Variants in CELF2 observed in about 807,000 individuals in gnomAD.
CELF2 encodes the protein CUG triplet repeat RNA-binding protein 2.
CELF2 carries 8 observed loss-of-function variants against 62.6 expected under a neutral mutation model. The ratio of observed to expected loss-of-function variants is 0.13; its 90% CI spans 0.07 to 0.23. The LOEUF (loss-of-function observed/expected upper bound fraction) is 0.23. CELF2 is among the 10% of genes least tolerant of loss of function. CELF2 has a pLI of 1.00. For synonymous variants in CELF2, 258 were observed against 250.0 expected (o/e 1.03, Z -0.30); for missense variants, 333 against 671.0 (o/e 0.50, Z 5.56).
At chr10:11,043,561 G>C (rs779715394) in intron 1 of CELF2, among the ~76,000 whole-genome samples, 1 of 151,982 alleles carries the variant, frequency 6.6e-6, no homozygotes, top group Non-Finnish European at 1.5e-5. Context: ...GCAGACTTCC[G>C]TGTCCTGAAT....
chr10:10,884,685 G>A (rs895078031), intron 1 of CELF2, among the ~76,000 whole-genome samples: 1 of 152,118 alleles, frequency 6.6e-6, no homozygotes, highest in East Asian at 1.9e-4. Context: ...TCTAGAATAT[G>A]TCTTATACTT....
At chr10:10,914,550 A>AT (rs1377894979) in intron 1 of CELF2, among the ~76,000 whole-genome samples, 2 of 152,042 alleles carry the variant, frequency 1.3e-5, no homozygotes, top group South Asian at 2.1e-4. Context: ...CTTTTTCGGG[A>AT]TTTTTTTCCT....
rs1234653978 is a variant in CELF2, at chr10:11,237,694, T to G, written c.355-11459T>G. On this transcript the variant is annotated intron_variant, in intron 3 of 12. Coordinates refer to ENST00000633077, the MANE Select transcript of CELF2 (RefSeq NM_001326342.2). The surrounding 1 kb of genome is among the most constrained non-coding windows in gnomAD (Gnocchi z 4.0). ...GCTTTGTTCATCCCAGTTCCCAAGA[T>G]GTCGAGAACTGAGTCACAGTGAGCC... Among the ~76,000 whole-genome samples the G allele has an allele frequency of 6.6e-6, 1 of 152,160 alleles. No individual in the cohort carries two copies. Among genetic ancestry groups the G allele is most frequent in the African/African-American group, 2.4e-5 (1 of 41,406 alleles).
At chr10:10,935,075 C>A (rs993280829) in intron 2 of CELF2, 1 of 152,168 alleles carries the variant, frequency 6.6e-6, no homozygotes, top group Non-Finnish European at 1.5e-5. Context: ...TTTTTCCTGA[C>A]ATTCACTGTG....
At chr10:10,642,077 CA>C in the CELF2 span, among the ~76,000 whole-genome samples, 2 of 152,046 alleles carry the variant, frequency 1.3e-5, no homozygotes, top group Non-Finnish European at 2.9e-5. Context: ...TTCATTCATT[CA>C]AAAAACAAGG....
intron 1 of CELF2, among the ~76,000 whole-genome samples, chr10:10,919,157 C>T (rs2064633110): frequency 6.6e-6 from 1 of 152,012 alleles, no homozygotes; most frequent in Non-Finnish European, 1.5e-5. Context: ...GTAATCCCAG[C>T]TACTCAGGAG....
intron 2 of CELF2, among the ~76,000 whole-genome samples, chr10:11,186,899 G>C (rs1000262906): frequency 5.3e-5 from 8 of 152,094 alleles, no homozygotes; most frequent in African/African-American, 1.9e-4. Context: ...ATGTCCTTTT[G>C]GTCAAGAAAT....
At chr10:10,970,516 C>T (rs2050648697) in intron 2 of CELF2, among the ~76,000 whole-genome samples, 1 of 152,220 alleles carries the variant, frequency 6.6e-6, no homozygotes, top group South Asian at 2.1e-4. Context: ...CCAGTATTCA[C>T]ATTTGTTCCA....
Position 11,039,648 on chromosome 10 carries a change from C to T in CELF2, c.74+21485C>T, listed in dbSNP as rs1164791422. Among the ~76,000 whole-genome samples the T allele has an allele frequency of 1.3e-5, 2 of 152,256 alleles. No homozygotes were observed. The highest frequency in any genetic ancestry group is 6.5e-5 in the Admixed American group (1 of 15,298). ...TCACAGTTTAAGGTTCCATTTAAAGCCACTCAATGGAAGATAGGTTAAGTG... is the reference window on the plus strand; with the variant it reads ...TCACAGTTTAAGGTTCCATTTAAAGTCACTCAATGGAAGATAGGTTAAGTG... On this transcript the variant is annotated intron_variant, in intron 1 of 12. Transcript: ENST00000633077. This position sits in a 1 kb window ranked among gnomAD's most constrained non-coding sequence, Gnocchi z 4.1.
intron 1 of CELF2, among the ~76,000 whole-genome samples, chr10:10,905,029 A>T (rs1174315522): frequency 1.3e-5 from 2 of 152,124 alleles, no homozygotes; most frequent in Non-Finnish European, 2.9e-5. Context: ...TGCTTGTTTC[A>T]ACTGTTCACA....
chr10:10,644,493 T>G, the CELF2 span, among the ~76,000 whole-genome samples: 1 of 152,030 alleles, frequency 6.6e-6, no homozygotes, highest in Non-Finnish European at 1.5e-5. Context: ...GGTCTGGTTT[T>G]CACCGCAGTT....
At chr10:10,554,267 A>G in the CELF2 span, among the ~76,000 whole-genome samples, 1 of 152,162 alleles carries the variant, frequency 6.6e-6, no homozygotes, top group African/African-American at 2.4e-5. Flanking sequence ...TGCATAGGAC[A>G]TTTCAGATCT....
chr10:11,001,275 C>T (rs1021072053), upstream of CELF2, among the ~76,000 whole-genome samples: 1 of 152,200 alleles, frequency 6.6e-6, no homozygotes, highest in Non-Finnish European at 1.5e-5. Context: ...GATGCCTCCA[C>T]ATTCCTGGAT....
chr10:10,915,371 C>T (rs191855194), intron 1 of CELF2, among the ~76,000 whole-genome samples: 10 of 152,234 alleles, frequency 6.6e-5, no homozygotes, highest in African/African-American at 2.4e-4. Flanking sequence ...TATTCAACAT[C>T]TTATATGAGC....
At chr10:11,215,450 A>G (rs1005734448) in intron 2 of CELF2, among the ~76,000 whole-genome samples, 2 of 152,194 alleles carry the variant, frequency 1.3e-5, no homozygotes, top group African/African-American at 4.8e-5. Context: ...GGCGTGGCCA[A>G]ACTGGCATCG....
intron 1 of CELF2, among the ~76,000 whole-genome samples, chr10:11,096,022 C>G (rs549362533): frequency 6.6e-6 from 1 of 152,294 alleles, no homozygotes; most frequent in East Asian, 1.9e-4. Flanking sequence ...GTATTAACAG[C>G]TCCTTCTACC....
chr10:11,077,025 T>G (rs1287611579), intron 1 of CELF2, among the ~76,000 whole-genome samples: 1 of 152,194 alleles, frequency 6.6e-6, no homozygotes, highest in Non-Finnish European at 1.5e-5. Context: ...TTAGTAACCT[T>G]AGGCAAGTCA....
chr10:11,293,756 T>G (rs2092818487), intron 9 of CELF2, among the ~76,000 whole-genome samples: 1 of 152,184 alleles, frequency 6.6e-6, no homozygotes, highest in Non-Finnish European at 1.5e-5. Flanking sequence ...CCCCCTTGCA[T>G]CTGGAGCAGC....
At chr10:10,471,191 A>G in the CELF2 span, among the ~76,000 whole-genome samples, 1 of 151,792 alleles carries the variant, frequency 6.6e-6, no homozygotes, top group Non-Finnish European at 1.5e-5. Context: ...CTCCAGATGT[A>G]CATAAAAAGA....
Sources: gnomAD v4.1 joint callset for allele counts (sites outside exome capture counted in the v4.1 genomes callset) on GRCh38, gnomAD v4.1.1 for gene constraint, Gnocchi (gnomAD v3.1) non-coding constraint, MANE v1.5 for transcripts, NCBI Gene and HGNC (gene_info 2026-07-23, HGNC 2026-07-21) for gene names.